UBE2E2: variants seen among roughly 807,000 people sequenced by gnomAD.
UBE2E2 encodes ubiquitin-conjugating enzyme E2 E2.
Under a neutral mutation model 24.7 loss-of-function variants are expected in UBE2E2, and 6 were observed. That is an observed-to-expected ratio of 0.24 (90% CI 0.13 to 0.48). The LOEUF (loss-of-function observed/expected upper bound fraction) is 0.48. Among genes scored for constraint, UBE2E2 ranks in the 20% least tolerant of loss-of-function variants. UBE2E2 has a pLI of 0.99. For missense variants in UBE2E2, 169 were observed against 245.0 expected, an observed-to-expected ratio of 0.69 and a Z score of 2.07; for synonymous variants, 104 against 83.6, an observed-to-expected ratio of 1.24 and a Z score of -1.33.
chr3:23,478,893 TA>T (rs58682594), intron 3 of UBE2E2, among the ~76,000 whole-genome samples: 10,208 of 43,156 alleles, frequency 0.24, 384 homozygotes, highest in South Asian at 0.44. Context: ...TATATATATA[TA>T]TATTTTTTTT....
intron 3 of UBE2E2, among the ~76,000 whole-genome samples, chr3:23,269,699 C>T (rs1464062887): frequency 3.3e-5 from 5 of 152,192 alleles, no homozygotes; most frequent in Non-Finnish European, 7.3e-5. Flanking sequence ...GCAGCAGCAT[C>T]AACAACAGCA....
chr3:23,217,480 A>G (rs945703097), intron 3 of UBE2E2, among the ~76,000 whole-genome samples, 168 bp downstream of exon 3: 2 of 152,144 alleles, frequency 1.3e-5, no homozygotes, highest in African/African-American at 4.8e-5. Context: ...CTCTGTGCAG[A>G]AATGGAATGT....
At chr3:23,254,099 T>G (rs1297412358) in intron 3 of UBE2E2, among the ~76,000 whole-genome samples, 1 of 152,308 alleles carries the variant, frequency 6.6e-6, no homozygotes, top group Non-Finnish European at 1.5e-5. Flanking sequence ...GAGAGTACCC[T>G]CAAATATAGT....
intron 5 of UBE2E2, among the ~76,000 whole-genome samples, chr3:23,572,188 A>C (rs1275896772): frequency 1.3e-5 from 2 of 152,266 alleles, no homozygotes; most frequent in East Asian, 3.9e-4. Context: ...TTTCTCCCTT[A>C]ATCACTACAA....
intron 3 of UBE2E2, among the ~76,000 whole-genome samples, chr3:23,433,510 T>A (rs909212774): frequency 1.6e-4 from 24 of 152,046 alleles, no homozygotes; most frequent in African/African-American, 5.3e-4. Context: ...GAATTGGTTG[T>A]TTTTAATTTT....
At chr3:23,237,678 C>T (rs9821101) in intron 3 of UBE2E2, among the ~76,000 whole-genome samples, 92,720 of 151,898 alleles carry the variant, frequency 0.61, 28,915 homozygotes, top group South Asian at 0.68. Flanking sequence ...AATTTTTTTA[C>T]ATTAATTATA....
chr3:23,247,177 T>C (rs557760650), intron 3 of UBE2E2, among the ~76,000 whole-genome samples: 2 of 152,092 alleles, frequency 1.3e-5, no homozygotes, highest in South Asian at 4.2e-4. Flanking sequence ...TCCTAAATAA[T>C]AAAAAAAGTA....
intron 3 of UBE2E2, among the ~76,000 whole-genome samples, chr3:23,297,189 A>T (rs1698936092): frequency 6.6e-6 from 1 of 151,880 alleles, no homozygotes; most frequent in Non-Finnish European, 1.5e-5. Flanking sequence ...GTTTGAGATC[A>T]TTGTAGATTC....
intron 3 of UBE2E2, among the ~76,000 whole-genome samples, chr3:23,299,052 C>G (rs1698997707): frequency 6.6e-6 from 1 of 152,158 alleles, no homozygotes; most frequent in African/African-American, 2.4e-5. Context: ...TCCATTTCTT[C>G]CAGATTTTCT....
chr3:23,303,537 G>C (rs1311617040), intron 3 of UBE2E2, among the ~76,000 whole-genome samples: 1 of 152,096 alleles, frequency 6.6e-6, no homozygotes, highest in African/African-American at 2.4e-5. Context: ...AATTTTCCAT[G>C]TTTAATTCAG....
At chr3:23,380,749 C>T (rs1696648452) in intron 3 of UBE2E2, among the ~76,000 whole-genome samples, 2 of 152,242 alleles carry the variant, frequency 1.3e-5, no homozygotes, top group East Asian at 3.9e-4. Context: ...TCCATATGCT[C>T]CCCCTTGATT....
chr3:23,520,856 T>G (rs1336825939), intron 4 of UBE2E2, among the ~76,000 whole-genome samples: 1 of 152,202 alleles, frequency 6.6e-6, no homozygotes. Flanking sequence ...TTGCCCAGGC[T>G]GGTCTCAGAT....
At chr3:23,565,563 A>C (rs2125507935) in intron 5 of UBE2E2, among the ~76,000 whole-genome samples, 1 of 149,250 alleles carries the variant, frequency 6.7e-6, no homozygotes, top group East Asian at 2.0e-4. Flanking sequence ...TGTTAGACGT[A>C]ATCAAAGACC....
intron 3 of UBE2E2, among the ~76,000 whole-genome samples, chr3:23,340,807 G>A (rs1219056439): frequency 6.6e-6 from 1 of 152,078 alleles, no homozygotes; most frequent in Non-Finnish European, 1.5e-5. Context: ...GAAAAGGATG[G>A]TCATGTTAAG....
intron 3 of UBE2E2, among the ~76,000 whole-genome samples, chr3:23,300,183 A>C (rs1305625571): frequency 2.0e-5 from 3 of 152,062 alleles, no homozygotes; most frequent in Non-Finnish European, 2.9e-5. Context: ...GTGTCTCTGC[A>C]CGTGAGATGG....
At chr3:23,429,536 G>A (rs960280183) in intron 3 of UBE2E2, among the ~76,000 whole-genome samples, 2 of 152,048 alleles carry the variant, frequency 1.3e-5, no homozygotes, top group Non-Finnish European at 2.9e-5. Flanking sequence ...AAATTCTCAG[G>A]ATCATATCAA....
intron 2 of UBE2E2, among the ~76,000 whole-genome samples, chr3:23,212,072 A>G (rs1173618193): frequency 6.6e-6 from 1 of 152,254 alleles, no homozygotes; most frequent in Non-Finnish European, 1.5e-5. Flanking sequence ...CTATAATTGT[A>G]GAATTAATAA....
intron 3 of UBE2E2, among the ~76,000 whole-genome samples, chr3:23,381,863 T>C (rs532495420): frequency 1.1e-4 from 16 of 152,178 alleles, no homozygotes; most frequent in Non-Finnish European, 2.1e-4. Flanking sequence ...TCCCAGTGTT[T>C]GAGGCTGCTT....
intron 3 of UBE2E2, among the ~76,000 whole-genome samples, chr3:23,467,286 T>C (rs1182203622): frequency 1.3e-5 from 2 of 152,244 alleles, no homozygotes; most frequent in Non-Finnish European, 2.9e-5. Flanking sequence ...TTTTTTACTT[T>C]GTGGTTGTGT....
Sources: allele counts gnomAD v4.1 joint callset (sites outside exome capture counted in the v4.1 genomes callset), GRCh38; gene constraint gnomAD v4.1.1; transcripts MANE v1.5; gene names NCBI Gene and HGNC (gene_info 2026-07-23, HGNC 2026-07-21).